The following DCC variants were observed in gnomAD, a reference collection of about 807,000 sequenced individuals.
The protein encoded by DCC is netrin receptor DCC.
DCC carries 58 observed loss-of-function variants against 172.5 expected under a neutral mutation model. The observed-to-expected ratio is 0.34, with a 90% confidence interval of 0.27 to 0.42. The LOEUF (loss-of-function observed/expected upper bound fraction) is 0.42, where lower values mean the gene tolerates loss of function less well. Among genes scored for constraint, DCC ranks in the 10% least tolerant of loss-of-function variants. The probability of loss-of-function intolerance (pLI) is 1.00; values close to 1 mark genes in which losing one functional copy is unlikely to be tolerated. For synonymous variants in DCC, 709 were observed against 644.5 expected (o/e 1.10, Z -1.52); for missense variants, 1,740 against 1,791.0 (o/e 0.97, Z 0.51).
chr18:52,639,956 A>C (rs559879434), intron 1 of DCC, among the ~76,000 whole-genome samples: 1 of 152,318 alleles, frequency 6.6e-6, no homozygotes, highest in Admixed American at 6.5e-5. Context: ...ATAGATGCTA[A>C]AATCCTTGAC....
intron 7 of DCC, among the ~76,000 whole-genome samples, chr18:53,126,218 T>C (rs2043554248): frequency 2.0e-5 from 3 of 152,132 alleles, no homozygotes; most frequent in Admixed American, 1.3e-4. Flanking sequence ...TTTGCATGTA[T>C]TTTGCATAGT....
intron 14 of DCC, among the ~76,000 whole-genome samples, chr18:53,329,941 A>G (rs1469571): frequency 0.96 from 146,955 of 152,306 alleles, 71,129 homozygotes; most frequent in Middle Eastern, 1. Flanking sequence ...AAATAAAGCT[A>G]GCTTCTCAAG....
intron 9 of DCC, among the ~76,000 whole-genome samples, chr18:53,185,353 CTG>C (rs1456930670): frequency 5.3e-5 from 8 of 152,114 alleles, no homozygotes; most frequent in Non-Finnish European, 1.0e-4. Context: ...ATGTGAGTCA[CTG>C]TGTTCTTTCT....
intron 7 of DCC, among the ~76,000 whole-genome samples, chr18:53,083,794 T>A (rs759098416): frequency 2.0e-5 from 3 of 152,174 alleles, no homozygotes; most frequent in Non-Finnish European, 4.4e-5. Flanking sequence ...ATTCAAAGTT[T>A]TGGGGATAAA....
At chr18:53,347,217 A>G (rs2057736129) in intron 15 of DCC, among the ~76,000 whole-genome samples, 1 of 152,214 alleles carries the variant, frequency 6.6e-6, no homozygotes, top group Non-Finnish European at 1.5e-5. Context: ...GGTGCTTTCC[A>G]TACTGCAAAA....
intron 1 of DCC, among the ~76,000 whole-genome samples, chr18:52,682,813 C>T (rs771617814): frequency 2.6e-5 from 4 of 152,042 alleles, no homozygotes; most frequent in Non-Finnish European, 5.9e-5. Flanking sequence ...GTGGTGTGTA[C>T]ATCAAAATCT....
At chr18:53,356,420 A>C (rs2057878503) in intron 15 of DCC, among the ~76,000 whole-genome samples, 1 of 152,006 alleles carries the variant, frequency 6.6e-6, no homozygotes, top group African/African-American at 2.4e-5. Flanking sequence ...TCGTGTTTTT[A>C]AAATATTCTT....
intron 2 of DCC, among the ~76,000 whole-genome samples, chr18:52,901,806 C>CT (rs1469852203): frequency 1.3e-5 from 2 of 152,144 alleles, no homozygotes; most frequent in Non-Finnish European, 2.9e-5. Flanking sequence ...TGTTTTGTAT[C>CT]TTTTTTCTTT....
At chr18:52,705,874 A>G (rs80068878) in intron 1 of DCC, among the ~76,000 whole-genome samples, 2,007 of 152,318 alleles carry the variant, frequency 0.013, 36 homozygotes, top group African/African-American at 0.045. Context: ...GATCTGTCAT[A>G]CGATTTGATG....
chr18:52,597,486 C>T (rs939658009), intron 1 of DCC, among the ~76,000 whole-genome samples: 14 of 150,948 alleles, frequency 9.3e-5, no homozygotes, highest in African/African-American at 2.9e-4. Context: ...AGAAAATATG[C>T]GATCACACCA....
At chr18:53,336,102 A>G (rs1043677153) in intron 14 of DCC, among the ~76,000 whole-genome samples, 1 of 152,070 alleles carries the variant, frequency 6.6e-6, no homozygotes, top group Admixed American at 6.6e-5. Flanking sequence ...TTCAGGCAAA[A>G]TGTGCTCTTT....
intron 27 of DCC, among the ~76,000 whole-genome samples, chr18:53,501,377 T>G (rs1236507897): frequency 6.6e-6 from 1 of 152,216 alleles, no homozygotes; most frequent in Non-Finnish European, 1.5e-5. Context: ...GGTTCTCAAA[T>G]TTTAGAAACT....
In DCC at chr18:52,413,110, GT is replaced by G. The variant is rs140697364; in HGVS notation, c.91+72241del. On this transcript the variant is annotated intron_variant, in intron 1 of 28. Coordinates refer to ENST00000442544, the MANE Select transcript of DCC (RefSeq NM_005215.4). The stretch of plus-strand genomic sequence containing the variant: ...GTTGAGTTTGTTTAGAGGCTTATAT[GT>G]TTTTTTTTCCTGAAAGATCATTGCT... 2.4e-3 allele frequency among the ~76,000 whole-genome samples: 358 copies of G among 150,130 alleles called. 5 individuals carry two copies. The highest frequency in any genetic ancestry group is 0.018 in the South Asian group (86 of 4,740).
chr18:52,640,555 A>T (rs921521070), intron 1 of DCC, among the ~76,000 whole-genome samples: 1 of 152,112 alleles, frequency 6.6e-6, no homozygotes, highest in Non-Finnish European at 1.5e-5. Flanking sequence ...TAGCTCTTCT[A>T]TATACCAACA....
chr18:52,716,549 T>G (rs919808595), intron 1 of DCC, among the ~76,000 whole-genome samples: 1 of 152,186 alleles, frequency 6.6e-6, no homozygotes, highest in Non-Finnish European at 1.5e-5. Context: ...TTTTGTGTGA[T>G]AGATGGTGAA....
intron 7 of DCC, among the ~76,000 whole-genome samples, chr18:53,082,560 T>C (rs1402195925): frequency 1.3e-5 from 2 of 152,126 alleles, no homozygotes; most frequent in Non-Finnish European, 2.9e-5. Flanking sequence ...TTTATAATTG[T>C]TTTTGTTCAG....
chr18:52,694,827 T>C (rs1303440047), intron 1 of DCC, among the ~76,000 whole-genome samples: 2 of 152,164 alleles, frequency 1.3e-5, no homozygotes, highest in African/African-American at 4.8e-5. Context: ...AGTAAAGAAT[T>C]AGGTTAGTAA....
intron 1 of DCC, among the ~76,000 whole-genome samples, chr18:52,746,877 A>G (rs892418350): frequency 6.6e-6 from 1 of 151,454 alleles, no homozygotes; most frequent in Non-Finnish European, 1.5e-5. Flanking sequence ...AGGTTTTGCT[A>G]TCTTGGTATC....
intron 1 of DCC, among the ~76,000 whole-genome samples, chr18:52,390,332 T>C (rs1408611773): frequency 6.6e-6 from 1 of 152,086 alleles, no homozygotes; most frequent in East Asian, 1.9e-4. Flanking sequence ...AACCTTCTCA[T>C]GCTGCTTCTG....
Sources: gnomAD v4.1 joint callset for allele counts (sites outside exome capture counted in the v4.1 genomes callset) on GRCh38, gnomAD v4.1.1 for gene constraint, MANE v1.5 for transcripts, NCBI Gene and HGNC (gene_info 2026-07-23, HGNC 2026-07-21) for gene names.